FUT8: variants seen among roughly 807,000 people sequenced by gnomAD.
FUT8 encodes the protein alpha-(1,6)-fucosyltransferase.
FUT8 carries 29 observed loss-of-function variants against 71.3 expected under a neutral mutation model. The ratio of observed to expected loss-of-function variants is 0.41; its 90% CI spans 0.30 to 0.55. The LOEUF (loss-of-function observed/expected upper bound fraction) is 0.55, where lower values mean the gene tolerates loss of function less well. FUT8 is among the 20% of genes least tolerant of loss of function. The pLI is 0.34. For missense variants in FUT8, 544 were observed against 702.1 expected (o/e 0.77, Z 2.55); for synonymous variants, 254 against 239.3 (o/e 1.06, Z -0.57).
intron 6 of FUT8, among the ~76,000 whole-genome samples, chr14:65,664,291 A>G (rs1892106203): frequency 6.6e-6 from 1 of 152,262 alleles, no homozygotes; most frequent in South Asian, 2.1e-4. Context: ...ATAATATTGT[A>G]CAGAAATTAA....
chr14:65,714,891 G>C (rs993332932), intron 7 of FUT8, among the ~76,000 whole-genome samples: 25 of 151,904 alleles, frequency 1.6e-4, no homozygotes, highest in Non-Finnish European at 5.9e-5. Context: ...GTTGTTCACT[G>C]TTGACATATA....
chr14:65,732,370 A>C (rs981093713), intron 9 of FUT8, among the ~76,000 whole-genome samples: 5 of 152,236 alleles, frequency 3.3e-5, no homozygotes, highest in African/African-American at 1.2e-4. Flanking sequence ...GGAGTGCTAG[A>C]TGCTGTGATG....
At chr14:65,591,971 A>G (rs1887714179) in intron 3 of FUT8, among the ~76,000 whole-genome samples, 1 of 151,778 alleles carries the variant, frequency 6.6e-6, no homozygotes, top group African/African-American at 2.4e-5. Flanking sequence ...AAACATGTAA[A>G]CTCTATTGCA....
intron 1 of FUT8, among the ~76,000 whole-genome samples, chr14:65,417,702 CTTCTT>C (rs2065238765): frequency 6.6e-6 from 1 of 152,040 alleles, no homozygotes; most frequent in Non-Finnish European, 1.5e-5. Flanking sequence ...ATTTATAAAT[CTTCTT>C]TTAATTAACA....
intron 3 of FUT8, among the ~76,000 whole-genome samples, chr14:65,577,753 G>A (rs1291244767): frequency 1.3e-5 from 2 of 152,124 alleles, no homozygotes; most frequent in Non-Finnish European, 2.9e-5. Flanking sequence ...TGTAGGAAAA[G>A]TAGATTGGGG....
chr14:65,669,175 A>T lies in FUT8; in HGVS notation c.598-68A>T. The stretch of plus-strand genomic sequence containing the variant: ...GTACCCCTGAAGATGAAAGATTAAA[A>T]AAAAAAAAGAGCAGTTGACCTCTCT... On this transcript the variant is annotated intron_variant, in intron 6 of 10. Coordinates refer to ENST00000673929, the MANE Select transcript of FUT8 (RefSeq NM_001371533.1). The surrounding 1 kb of genome is among the most constrained non-coding windows in gnomAD (Gnocchi z 4.5). The T allele has an allele frequency of 1.1e-5, 13 of 1,211,734 alleles. No homozygotes were observed. Among genetic ancestry groups the T allele is most frequent in the Non-Finnish European group, 1.5e-5 (13 of 854,850 alleles). The allele number at this position is 1,211,734 out of a possible 1,614,324, so 75.1% of individuals were successfully genotyped here.
rs1312970155 is a variant in FUT8, at chr14:65,643,570, C to A, written c.597+13964C>A. Among the ~76,000 whole-genome samples, 1 of 151,852 alleles carries A rather than the reference C, an allele frequency of 6.6e-6. No homozygotes were observed. The highest frequency in any genetic ancestry group is 1.5e-5 in the Non-Finnish European group (1 of 67,986). On this transcript the variant is annotated intron_variant, in intron 6 of 10. Transcript: ENST00000673929. This position sits in a 1 kb window ranked among gnomAD's most constrained non-coding sequence, Gnocchi z 4.5. ...TCAGGAGGCTGAGGCAGGAGAATGGCGTGAACCTGGGAGGCGGAGCTTGCA... is the reference window on the plus strand; with the variant it reads ...TCAGGAGGCTGAGGCAGGAGAATGGAGTGAACCTGGGAGGCGGAGCTTGCA...
Position 65,633,694 on chromosome 14 carries a change from C to T in FUT8, c.597+4088C>T, listed in dbSNP as rs1356989457. On this transcript the variant is annotated intron_variant, in intron 6 of 10. Coordinates refer to ENST00000673929, the MANE Select transcript of FUT8 (RefSeq NM_001371533.1). ...ACGACCCCGTCTGGGAGGTGAGGAGCGTCTCTGCCCGGCTGCCCCATCTGA... is the reference window on the plus strand; with the variant it reads ...ACGACCCCGTCTGGGAGGTGAGGAGTGTCTCTGCCCGGCTGCCCCATCTGA... Among the ~76,000 whole-genome samples the T allele has an allele frequency of 6.0e-5, 9 of 150,388 alleles. No homozygotes were observed. In the East Asian group the frequency reaches 1.2e-3, roughly 20 times the overall value.
intron 2 of FUT8, among the ~76,000 whole-genome samples, chr14:65,543,846 T>G (rs981866455): frequency 1.3e-5 from 2 of 152,148 alleles, no homozygotes; most frequent in Admixed American, 1.3e-4. Context: ...TAATTGCATA[T>G]GGCTGGAATT....
intron 2 of FUT8, among the ~76,000 whole-genome samples, chr14:65,469,854 G>A (rs1383367489): frequency 6.6e-6 from 1 of 152,230 alleles, no homozygotes; most frequent in East Asian, 1.9e-4. Context: ...GGGAGGAAGT[G>A]TGTCAATTGG....
At chr14:65,459,639 C>T (rs1305003461) in intron 2 of FUT8, among the ~76,000 whole-genome samples, 1 of 152,140 alleles carries the variant, frequency 6.6e-6, no homozygotes, top group Non-Finnish European at 1.5e-5. Flanking sequence ...ACTGCAATGT[C>T]TCCAGATAGC....
chr14:65,700,646 G>T (rs953684662), intron 7 of FUT8, among the ~76,000 whole-genome samples: 3 of 151,922 alleles, frequency 2.0e-5, no homozygotes, highest in Non-Finnish European at 4.4e-5. Context: ...TGATCCGCCC[G>T]CCTTGGCCTC....
At chr14:65,625,288 C>T (rs534131192) in intron 5 of FUT8, among the ~76,000 whole-genome samples, 6 of 152,060 alleles carry the variant, frequency 3.9e-5, no homozygotes, top group Non-Finnish European at 8.8e-5. Context: ...GCCCTATAGC[C>T]CTATTATAGT....
intron 2 of FUT8, among the ~76,000 whole-genome samples, 162 bp from the exon 3 acceptor site, chr14:65,561,175 A>T (rs371727584): frequency 6.6e-6 from 1 of 152,326 alleles, no homozygotes; most frequent in East Asian, 1.9e-4. Flanking sequence ...TAATATACAG[A>T]TTAACAGATT....
chr14:65,521,871 T>C (rs1003620954), intron 2 of FUT8, among the ~76,000 whole-genome samples: 3 of 149,126 alleles, frequency 2.0e-5, no homozygotes, highest in South Asian at 2.1e-4. Flanking sequence ...TCTTCTTCTT[T>C]TTTTTTTTTT....
At chr14:65,546,115 A>T (rs1434225936) in intron 2 of FUT8, among the ~76,000 whole-genome samples, 1 of 151,844 alleles carries the variant, frequency 6.6e-6, no homozygotes, top group Non-Finnish European at 1.5e-5. Context: ...AACATAATTT[A>T]CATCAGTGAA....
At chr14:65,466,828 A>C (rs1024265578) in intron 2 of FUT8, among the ~76,000 whole-genome samples, 6 of 152,170 alleles carry the variant, frequency 3.9e-5, no homozygotes, top group South Asian at 2.1e-4. Context: ...AACTGATCCA[A>C]GTTCACTTTT....
chr14:65,636,315 A>T (rs1190467697), intron 6 of FUT8, among the ~76,000 whole-genome samples: 5 of 132,238 alleles, frequency 3.8e-5, no homozygotes, highest in South Asian at 2.3e-4. Context: ...TATCTTTTGT[A>T]TTTTTTTTTT....
chr14:65,566,534 G>A (rs953167095), intron 3 of FUT8, among the ~76,000 whole-genome samples: 1 of 152,018 alleles, frequency 6.6e-6, no homozygotes, highest in Admixed American at 6.6e-5. Flanking sequence ...GTTTTCAGCA[G>A]AGGAATGACA....
Sources: gnomAD v4.1 joint callset for allele counts (sites outside exome capture counted in the v4.1 genomes callset) on GRCh38, gnomAD v4.1.1 for gene constraint, Gnocchi (gnomAD v3.1) non-coding constraint, MANE v1.5 for transcripts, NCBI Gene and HGNC (gene_info 2026-07-23, HGNC 2026-07-21) for gene names.